The following CTNNAL1 variants were observed in gnomAD, a reference collection of about 807,000 sequenced individuals.
CTNNAL1 encodes catenin alpha like 1, also known as alpha-catulin.
A neutral mutation model predicts 93.6 loss-of-function variants in CTNNAL1; 69 were observed. The ratio of observed to expected loss-of-function variants is 0.74; its 90% CI spans 0.61 to 0.90. The LOEUF (loss-of-function observed/expected upper bound fraction) is 0.90, where lower values mean the gene tolerates loss of function less well. Ranked by LOEUF, CTNNAL1 falls within the 40% of genes least tolerant of loss-of-function variation. The probability of loss-of-function intolerance (pLI) is 0.00; values close to 1 mark genes in which losing one functional copy is unlikely to be tolerated. For missense variants in CTNNAL1, 836 were observed against 862.0 expected, an observed-to-expected ratio of 0.97 and a Z score of 0.38; for synonymous variants, 286 against 305.4, an observed-to-expected ratio of 0.94 and a Z score of 0.66.
At chr9:108,944,717 G>A (rs376819326) in intron 15 of CTNNAL1, among the ~76,000 whole-genome samples, 5 of 152,218 alleles carry the variant, frequency 3.3e-5, no homozygotes, top group South Asian at 2.1e-4. Context: ...TTTAGGTGGC[G>A]TCAGTAATAA....
chr9:108,956,950 A>G (rs1349513086), intron 11 of CTNNAL1, among the ~76,000 whole-genome samples: 1 of 151,782 alleles, frequency 6.6e-6, no homozygotes, highest in Non-Finnish European at 1.5e-5. Flanking sequence ...ACAGATTTTG[A>G]AGATGTAGTA....
chr9:108,994,538 T>C (rs1831944205), intron 2 of CTNNAL1, among the ~76,000 whole-genome samples: 1 of 152,204 alleles, frequency 6.6e-6, no homozygotes, highest in African/African-American at 2.4e-5. Context: ...CAACAGGAGT[T>C]TGAAATAACA....
intron 1 of CTNNAL1, among the ~76,000 whole-genome samples, chr9:109,010,024 A>AT (rs796510075): frequency 2.0e-4 from 30 of 150,836 alleles, no homozygotes; most frequent in African/African-American, 2.9e-4. Flanking sequence ...TACTTTTTCT[A>AT]TTTTTTTTTA....
intron 3 of CTNNAL1, among the ~76,000 whole-genome samples, chr9:108,991,292 C>G (rs28361115): frequency 3.9e-5 from 6 of 152,026 alleles, no homozygotes; most frequent in Admixed American, 3.9e-4. Flanking sequence ...GCAGAAGGAA[C>G]CTCATCATCT....
intron 2 of CTNNAL1, among the ~76,000 whole-genome samples, chr9:108,995,466 G>A (rs942260545): frequency 1.3e-5 from 2 of 152,158 alleles, no homozygotes; most frequent in Admixed American, 6.5e-5. Flanking sequence ...CCACCAACAT[G>A]GGCAAATGCT....
chr9:108,955,886 C>A (rs1830677899), intron 11 of CTNNAL1, 59 bp from the exon 12 acceptor site: 2 of 1,080,380 alleles, frequency 1.9e-6, no homozygotes, highest in South Asian at 1.8e-5. Flanking sequence ...TTCTATTATT[C>A]ATAGTTAACT....
chr9:108,990,546 CA>C (rs1192451068), intron 4 of CTNNAL1, among the ~76,000 whole-genome samples, 179 bp downstream of exon 4: 5 of 151,974 alleles, frequency 3.3e-5, no homozygotes, highest in African/African-American at 4.8e-5. Context: ...TATAAATGTA[CA>C]AAAAAAGACA....
intron 10 of CTNNAL1, 47 bp from the exon 11 acceptor site, chr9:108,965,575 C>G: frequency 8.5e-7 from 1 of 1,177,540 alleles, no homozygotes; most frequent in Non-Finnish European, 1.1e-6. Context: ...AATCTTAGCC[C>G]TCAGAATCAC....
chr9:108,972,578 G>T, intron 9 of CTNNAL1, 97 bp downstream of exon 9: 1 of 1,094,578 alleles, frequency 9.1e-7, no homozygotes, highest in Non-Finnish European at 1.3e-6. Flanking sequence ...AAAATGCTCA[G>T]ATAAATTAAC....
Position 108,991,622 on chromosome 9 carries a change from A to G in CTNNAL1, c.520-777T>C, listed in dbSNP as rs2132175385. Among the ~76,000 whole-genome samples the G allele has an allele frequency of 2.0e-5, 3 of 152,314 alleles. 1 individual carries two copies. In the South Asian group the frequency reaches 6.2e-4, roughly 32 times the overall value. ...ATTTGGCATGTTAATCTGCCCTGGC[A>G]GCTCAGGAAGTTCAGGCGACTAACA... On this transcript the variant is annotated intron_variant, in intron 3 of 18. Transcript: ENST00000325551.
chr9:108,976,696 A>G (rs1831277588), intron 8 of CTNNAL1, among the ~76,000 whole-genome samples: 1 of 151,948 alleles, frequency 6.6e-6, no homozygotes, highest in African/African-American at 2.4e-5. Flanking sequence ...ACACCTGGCT[A>G]ATCTTTTGTG....
intron 11 of CTNNAL1, among the ~76,000 whole-genome samples, chr9:108,958,024 T>C (rs551509708): frequency 1.5e-4 from 22 of 150,296 alleles, no homozygotes; most frequent in Middle Eastern, 3.4e-3. Context: ...GTTTTTTGTT[T>C]TGTTTTGTTT....
At chr9:108,950,862 A>AT (rs1830541644) in intron 14 of CTNNAL1, 2 of 344,032 alleles carry the variant, frequency 5.8e-6, no homozygotes, top group Non-Finnish European at 1.0e-5. Flanking sequence ...TCTAGGGATC[A>AT]TTTTTCAAAA....
intron 5 of CTNNAL1, 117 bp downstream of exon 5, chr9:108,984,230 C>T (rs1831530219): frequency 1.6e-6 from 1 of 634,348 alleles, no homozygotes; most frequent in South Asian, 2.0e-5. Context: ...CTATTCAGGC[C>T]TATGTTCTAA....
chr9:108,942,613 C>G lies in CTNNAL1; in HGVS notation c.*156G>C. The G allele has an allele frequency of 1.7e-6, 1 of 596,384 alleles. No homozygotes were observed. The highest frequency in any genetic ancestry group is 2.8e-5 in the East Asian group (1 of 35,690). The allele number at this position is 596,384 out of a possible 1,614,324, so 36.9% of individuals were successfully genotyped here. On this transcript the variant is annotated 3_prime_UTR_variant, in exon 19 of 19. Transcript: ENST00000325551. ...AAGACATTTATTAGTTGTCAAAAAG[C>G]TTTACAATCAGTTTCATGATCAGAA... is the stretch of plus-strand genomic sequence containing the variant.
At chr9:109,006,065 T>C (rs939107257) in intron 1 of CTNNAL1, among the ~76,000 whole-genome samples, 6 of 152,238 alleles carry the variant, frequency 3.9e-5, no homozygotes, top group African/African-American at 1.4e-4. Flanking sequence ...ATGTTTATTG[T>C]TTATAAACAG....
chr9:108,970,257 T>C (rs1256120040), intron 10 of CTNNAL1, 145 bp downstream of exon 10: 2 of 703,640 alleles, frequency 2.8e-6, no homozygotes, highest in Non-Finnish European at 4.2e-6. Flanking sequence ...TCTGGCACAC[T>C]ACCAACAGAA....
At chr9:108,947,409 G>C (rs539657399) in intron 15 of CTNNAL1, among the ~76,000 whole-genome samples, 1 of 152,164 alleles carries the variant, frequency 6.6e-6, no homozygotes, top group Non-Finnish European at 1.5e-5. Flanking sequence ...CACCGCGCCT[G>C]GCCTAAAGTG....
intron 17 of CTNNAL1, 116 bp downstream of exon 17, chr9:108,943,587 G>T (rs887484242): frequency 3.2e-5 from 24 of 744,096 alleles, no homozygotes; most frequent in African/African-American, 3.0e-4. Flanking sequence ...TGTAGACAAG[G>T]CATGAAAAAA....
Sources: allele counts gnomAD v4.1 joint callset (sites outside exome capture counted in the v4.1 genomes callset), GRCh38; gene constraint gnomAD v4.1.1; transcripts MANE v1.5; gene names NCBI Gene and HGNC (gene_info 2026-07-23, HGNC 2026-07-21).